Variants in CD109 observed in about 807,000 individuals in gnomAD.
The protein encoded by CD109 is CD109 antigen.
In CD109, 149 loss-of-function variants were observed where a neutral mutation model predicts 165.8. The ratio of observed to expected loss-of-function variants is 0.90; its 90% CI spans 0.79 to 1.03. CD109 has a LOEUF of 1.03. CD109 is among the 50% of genes least tolerant of loss of function. CD109 has a pLI of 0.00. For missense variants in CD109, 1,712 were observed against 1,677.8 expected, an observed-to-expected ratio of 1.02 and a Z score of -0.36; for synonymous variants, 585 against 592.1, an observed-to-expected ratio of 0.99 and a Z score of 0.18.
chr6:73,719,930 A>C (rs1328636478), intron 2 of CD109, among the ~76,000 whole-genome samples: 1 of 152,208 alleles, frequency 6.6e-6, no homozygotes, highest in Non-Finnish European at 1.5e-5. Flanking sequence ...CTTTCCCATT[A>C]AAAGTAAGCT....
chr6:73,729,202 A>G lies in CD109; in HGVS notation c.277-1142A>G, dbSNP rs1239099107. On this transcript the variant is annotated intron_variant, in intron 3 of 32. Transcript: ENST00000287097. ...CGAGAAAGAGAGACAACAGGGAAGA[A>G]GGTATTCTTTTTCTGACATAGCCTA... Among the ~76,000 whole-genome samples, 3 of 152,214 alleles carry G rather than the reference A, an allele frequency of 2.0e-5. No individual in the cohort carries two copies. The East Asian group carries it at 5.8e-4, about 29-fold the overall frequency.
At chr6:73,747,858 C>G (rs911169056) in intron 5 of CD109, among the ~76,000 whole-genome samples, 2 of 151,934 alleles carry the variant, frequency 1.3e-5, no homozygotes, top group Non-Finnish European at 2.9e-5. Context: ...AGCTTTTTCC[C>G]TTAAATAAAT....
intron 29 of CD109, among the ~76,000 whole-genome samples, chr6:73,813,566 G>C (rs1310361099): frequency 2.6e-5 from 4 of 152,080 alleles, no homozygotes; most frequent in Non-Finnish European, 5.9e-5. Flanking sequence ...TTACAAAGAA[G>C]TTGGTCACTC....
intron 1 of CD109, 48 bp downstream of exon 1, chr6:73,696,337 C>G (rs1045421395): frequency 1.5e-6 from 2 of 1,365,548 alleles, no homozygotes; most frequent in South Asian, 1.7e-5. Context: ...GGGCCTGGGC[C>G]GCTCTGCGGC....
intron 2 of CD109, among the ~76,000 whole-genome samples, chr6:73,707,980 A>T (rs1419325698): frequency 2.9e-5 from 1 of 34,020 alleles, no homozygotes; most frequent in Non-Finnish European, 6.2e-5. Context: ...ATATATATAT[A>T]TATATATATA....
rs1776181846 is a variant in CD109 at position 73,823,701 on chromosome 6, TAGA to T, written c.*73_*75del. 2.8e-6 allele frequency: 4 copies of T among 1,415,366 alleles called. No homozygotes were observed. Among genetic ancestry groups the T allele is most frequent in the African/African-American group, 2.9e-5 (2 of 69,760 alleles). The allele number at this position is 1,415,366 out of a possible 1,614,324, so 87.7% of individuals were successfully genotyped here. On this transcript the variant is annotated 3_prime_UTR_variant, in exon 33 of 33. Coordinates refer to ENST00000287097, the MANE Select transcript of CD109 (RefSeq NM_133493.5). Reference sequence around the variant, plus strand: ...GTCACATGTGATTGTTTTGTTTTCGTAGAAGAATACTGCTTCTATTTTGAAAAA... The same window carrying T: ...GTCACATGTGATTGTTTTGTTTTCGTAGAATACTGCTTCTATTTTGAAAAA...
At chr6:73,812,391 T>C (rs1775786543) in intron 29 of CD109, 121 bp downstream of exon 29, 2 of 642,730 alleles carry the variant, frequency 3.1e-6, no homozygotes, top group African/African-American at 3.7e-5. Context: ...CATCTGTGAC[T>C]TAAGCAAGAT....
chr6:73,799,855 G>T (rs57799429), intron 23 of CD109, among the ~76,000 whole-genome samples: 1 of 148,076 alleles, frequency 6.8e-6, no homozygotes, highest in Admixed American at 6.7e-5. Flanking sequence ...ATTTCCCCCC[G>T]CAATTTTTTT....
chr6:73,751,146 G>A (rs1035831839), intron 5 of CD109, among the ~76,000 whole-genome samples: 3 of 152,184 alleles, frequency 2.0e-5, no homozygotes, highest in African/African-American at 7.2e-5. Flanking sequence ...GTATAAGGAT[G>A]AGTCATGTGA....
intron 14 of CD109, among the ~76,000 whole-genome samples, chr6:73,768,797 A>C (rs903161445): frequency 6.6e-6 from 1 of 152,078 alleles, no homozygotes; most frequent in Non-Finnish European, 1.5e-5. Context: ...ATCCCTTTGG[A>C]CCCCAGCTCT....
chr6:73,783,213 C>G (rs1291671909), intron 18 of CD109, among the ~76,000 whole-genome samples: 3 of 152,114 alleles, frequency 2.0e-5, no homozygotes, highest in African/African-American at 7.2e-5. Flanking sequence ...GCTGATAAAC[C>G]CCGTACCACC....
intron 26 of CD109, 24 bp downstream of exon 26, chr6:73,808,272 G>A: frequency 3.2e-6 from 5 of 1,586,462 alleles, no homozygotes; most frequent in Admixed American, 3.8e-5. Context: ...CCCACTTGAG[G>A]TTGTTATGCT....
At chr6:73,759,334 G>A (rs1013313129) in intron 7 of CD109, among the ~76,000 whole-genome samples, 2 of 151,294 alleles carry the variant, frequency 1.3e-5, no homozygotes, top group East Asian at 3.9e-4. Flanking sequence ...AAGCCACCAC[G>A]CCTGGCTAAT....
At chr6:73,739,917 A>G (rs1013909426) in intron 5 of CD109, among the ~76,000 whole-genome samples, 3 of 152,172 alleles carry the variant, frequency 2.0e-5, no homozygotes, top group Non-Finnish European at 4.4e-5. Context: ...CACTCAGGCT[A>G]GAGTGAAGTG....
At chr6:73,690,435 C>CCG in the CD109 span, among the ~76,000 whole-genome samples, 1 of 152,128 alleles carries the variant, frequency 6.6e-6, no homozygotes, top group Non-Finnish European at 1.5e-5. Flanking sequence ...GAGTTTCGCT[C>CCG]TTGTTGTCCA....
chr6:73,710,277 C>A (rs1490534307), intron 2 of CD109, among the ~76,000 whole-genome samples: 4 of 152,030 alleles, frequency 2.6e-5, no homozygotes, highest in African/African-American at 4.8e-5. Flanking sequence ...CAAAAATCAC[C>A]AGCATTCTTA....
chr6:73,815,487 G>A (rs3005491), intron 30 of CD109, among the ~76,000 whole-genome samples: 88,975 of 151,934 alleles, frequency 0.59, 26,870 homozygotes, highest in African/African-American at 0.74. Flanking sequence ...TAATTATTTC[G>A]GGTTCATATT....
In CD109 at chr6:73,697,880, G is replaced by A. The variant is rs117634953; in HGVS notation, c.247+308G>A. 4.9e-3 allele frequency among the ~76,000 whole-genome samples: 740 copies of A among 152,246 alleles called. 5 individuals are homozygous for A. Among genetic ancestry groups the A allele is most frequent in the Middle Eastern group, 0.014 (4 of 294 alleles). ...AGAGGATGGGAAGAGCATATGGAAGGTTTTTATGGGATAGGCCTAGAAATA... is the reference window on the plus strand; with the variant it reads ...AGAGGATGGGAAGAGCATATGGAAGATTTTTATGGGATAGGCCTAGAAATA... On this transcript the variant is annotated intron_variant, in intron 2 of 32. Transcript: ENST00000287097.
In CD109 at chr6:73,697,404, C is replaced by CGGTTTCTG; in HGVS notation, c.81_88dup (p.Val30GlyfsTer4). On this transcript the variant is annotated frameshift_variant, in exon 2 of 33. Coordinates refer to ENST00000287097, the MANE Select transcript of CD109 (RefSeq NM_133493.5). LOFTEE classifies it high-confidence loss of function. Reference sequence around the variant, plus strand: ...CCCTTGTTGGGAACTCTTTAGGCCTCGGTTTCTGGTGACAGCCCCAGGGAT... The same window carrying CGGTTTCTG: ...CCCTTGTTGGGAACTCTTTAGGCCTCGGTTTCTGGGTTTCTGGTGACAGCCCCAGGGAT... 6.2e-7 allele frequency: 1 copy of CGGTTTCTG among 1,613,702 alleles called. No individual in the cohort carries two copies. Among genetic ancestry groups the CGGTTTCTG allele is most frequent in the Non-Finnish European group, 8.5e-7 (1 of 1,179,898 alleles).
Sources: gnomAD v4.1 joint callset for allele counts (sites outside exome capture counted in the v4.1 genomes callset) on GRCh38, gnomAD v4.1.1 for gene constraint, MANE v1.5 for transcripts, NCBI Gene and HGNC (gene_info 2026-07-23, HGNC 2026-07-21) for gene names.